The following LSAMP variants were observed in gnomAD, a reference collection of about 807,000 sequenced individuals.
LSAMP encodes limbic system associated membrane protein.
In LSAMP, 7 loss-of-function variants were observed where a neutral mutation model predicts 38.6. That is an observed-to-expected ratio of 0.18 (90% CI 0.10 to 0.34). The LOEUF is 0.34. Among genes scored for constraint, LSAMP ranks in the 10% least tolerant of loss-of-function variants. LSAMP has a pLI of 1.00. For missense variants in LSAMP, 313 were observed against 420.0 expected, an observed-to-expected ratio of 0.75 and a Z score of 2.23; for synonymous variants, 154 against 166.8, an observed-to-expected ratio of 0.92 and a Z score of 0.59.
At chr3:116,387,864 C>G (rs554437087) in intron 1 of LSAMP, among the ~76,000 whole-genome samples, 1 of 151,770 alleles carries the variant, frequency 6.6e-6, no homozygotes, top group African/African-American at 2.4e-5. Flanking sequence ...GAGGCTGAGG[C>G]GGGTGGATCA....
chr3:116,049,629 C>T (rs1941355258), intron 2 of LSAMP, among the ~76,000 whole-genome samples: 1 of 152,116 alleles, frequency 6.6e-6, no homozygotes, highest in Non-Finnish European at 1.5e-5. Flanking sequence ...TCTCTAGCTG[C>T]CTCATGTATG....
chr3:115,964,548 G>C (rs1164120308), intron 3 of LSAMP, among the ~76,000 whole-genome samples: 1 of 152,118 alleles, frequency 6.6e-6, no homozygotes, highest in South Asian at 2.1e-4. Flanking sequence ...TTTCCAACCA[G>C]TAGTATAGGA....
chr3:115,893,879 T>C (rs1936663768), intron 3 of LSAMP, among the ~76,000 whole-genome samples: 1 of 151,984 alleles, frequency 6.6e-6, no homozygotes, highest in Admixed American at 6.6e-5. Context: ...TCGAGATAGA[T>C]GACCGTGCTG....
At chr3:116,349,585 T>C (rs2048111095) in intron 1 of LSAMP, among the ~76,000 whole-genome samples, 1 of 151,838 alleles carries the variant, frequency 6.6e-6, no homozygotes, top group African/African-American at 2.4e-5. Context: ...GGCACTGTTA[T>C]AGCATTGGGT....
At chr3:115,858,829 G>T (rs1328352404) in intron 3 of LSAMP, among the ~76,000 whole-genome samples, 1 of 152,150 alleles carries the variant, frequency 6.6e-6, no homozygotes, top group Non-Finnish European at 1.5e-5. Flanking sequence ...AAGGAAAAAA[G>T]ATCACGAATC....
intron 1 of LSAMP, among the ~76,000 whole-genome samples, chr3:116,352,482 C>A (rs1389841612): frequency 6.6e-6 from 1 of 151,992 alleles, no homozygotes. Context: ...GCAAGCCAAC[C>A]TCATTTACTT....
chr3:116,019,202 G>A (rs186161040), intron 3 of LSAMP, among the ~76,000 whole-genome samples: 2 of 150,148 alleles, frequency 1.3e-5, no homozygotes, highest in African/African-American at 4.9e-5. Context: ...TTTACAGATA[G>A]ATAGATCTCT....
chr3:116,188,053 C>T (rs781452800), intron 1 of LSAMP, among the ~76,000 whole-genome samples: 7 of 152,054 alleles, frequency 4.6e-5, no homozygotes, highest in Non-Finnish European at 7.4e-5. Flanking sequence ...GTATTTTGTA[C>T]ACGTTTTTCT....
chr3:115,871,582 A>AGAGTGTGT (rs1936035034), intron 3 of LSAMP, among the ~76,000 whole-genome samples: 1 of 144,928 alleles, frequency 6.9e-6, no homozygotes, highest in African/African-American at 2.5e-5. Context: ...ACCAACGTGT[A>AGAGTGTGT]GTGTGTGTGT....
intron 2 of LSAMP, among the ~76,000 whole-genome samples, chr3:116,073,422 T>C (rs1324199694): frequency 6.6e-6 from 1 of 152,174 alleles, no homozygotes. Context: ...TCCATATGAA[T>C]TTTAAAATAG....
At chr3:116,410,780 G>A (rs1284757082) in intron 1 of LSAMP, among the ~76,000 whole-genome samples, 2 of 152,182 alleles carry the variant, frequency 1.3e-5, no homozygotes, top group Admixed American at 6.5e-5. Flanking sequence ...AGGAGAGATG[G>A]AATTTTTCAG....
chr3:115,949,091 A>G (rs1287688219), intron 3 of LSAMP, among the ~76,000 whole-genome samples: 2 of 152,006 alleles, frequency 1.3e-5, no homozygotes, highest in Non-Finnish European at 2.9e-5. Context: ...AATATGGCAA[A>G]ACCCTGTCTC....
chr3:116,313,218 C>T (rs764101139), intron 1 of LSAMP, among the ~76,000 whole-genome samples: 14 of 152,192 alleles, frequency 9.2e-5, no homozygotes, highest in Non-Finnish European at 1.9e-4. Flanking sequence ...ATCACCACAG[C>T]TCTGCAACAC....
At chr3:115,981,272 A>G (rs1355976482) in intron 3 of LSAMP, among the ~76,000 whole-genome samples, 1 of 152,162 alleles carries the variant, frequency 6.6e-6, no homozygotes, top group Non-Finnish European at 1.5e-5. Flanking sequence ...ACTAATACCC[A>G]CTACACCTTT....
chr3:116,321,475 AG>A (rs1443679442), intron 1 of LSAMP, among the ~76,000 whole-genome samples: 2 of 152,216 alleles, frequency 1.3e-5, no homozygotes, highest in Non-Finnish European at 2.9e-5. Context: ...CCATGTGCCA[AG>A]TAGCATATTA....
chr3:116,313,707 A>G (rs550472450), intron 1 of LSAMP, among the ~76,000 whole-genome samples: 4 of 152,224 alleles, frequency 2.6e-5, no homozygotes, highest in African/African-American at 7.2e-5. Flanking sequence ...TCATCCCAGT[A>G]CTTTGGGAGG....
rs112087212 is a variant in LSAMP at position 116,199,105 on chromosome 3, A to T, written c.156-112549T>A. Among the ~76,000 whole-genome samples the T allele has an allele frequency of 4.3e-3, 650 of 152,194 alleles. 7 individuals carry two copies. The highest frequency in any genetic ancestry group is 0.015 in the African/African-American group (612 of 41,540). ...TCTCAAAAATAAAATGAAATAAAATAAATAAAAATAGAAAATCAGAACTCA... is the reference window on the plus strand; with the variant it reads ...TCTCAAAAATAAAATGAAATAAAATTAATAAAAATAGAAAATCAGAACTCA... On this transcript the variant is annotated intron_variant, in intron 1 of 6. Coordinates refer to ENST00000490035, the MANE Select transcript of LSAMP (RefSeq NM_002338.5).
At chr3:115,928,978 T>TTG (rs1286824702) in intron 3 of LSAMP, among the ~76,000 whole-genome samples, 30 of 148,732 alleles carry the variant, frequency 2.0e-4, no homozygotes, top group Non-Finnish European at 3.9e-4. Context: ...TGTTTGTTTT[T>TTG]TTTTTTTTTT....
intron 3 of LSAMP, among the ~76,000 whole-genome samples, chr3:115,996,343 G>C (rs1271576939): frequency 6.6e-6 from 1 of 151,930 alleles, no homozygotes; most frequent in African/African-American, 2.4e-5. Context: ...TCTACTTCTG[G>C]GCTGACATAT....
Sources: allele counts gnomAD v4.1 joint callset (sites outside exome capture counted in the v4.1 genomes callset), GRCh38; gene constraint gnomAD v4.1.1; transcripts MANE v1.5; gene names NCBI Gene and HGNC (gene_info 2026-07-23, HGNC 2026-07-21).